TTN: variants seen among roughly 807,000 people sequenced by gnomAD.
TTN encodes titin.
TTN carries 1,525 observed loss-of-function variants against 3,223.0 expected under a neutral mutation model. The observed-to-expected ratio is 0.47, with a 90% CI of 0.45 to 0.49. TTN has a LOEUF of 0.49. Among genes scored for constraint, TTN ranks in the 20% least tolerant of loss-of-function variants. The pLI is 0.00. For synonymous variants in TTN, 14,094 were observed against 15,161.0 expected (o/e 0.93, Z 5.17); for missense variants, 40,786 against 43,424.0 (o/e 0.94, Z 5.40).
rs746547856 is a variant in TTN, at chr2:178,535,387, C to T, written c.101228G>A (p.Arg33743Gln). ...AERWLRVGQA[R>Q]ETRYTVINLF... Reference sequence around the variant, plus strand: ...GTTGATCACGGTATAACGTGTTTCTCGGGCCTGTCCTACACGGAGCCATCT... The same window carrying T: ...GTTGATCACGGTATAACGTGTTTCTTGGGCCTGTCCTACACGGAGCCATCT... Residue 33743 changes from arginine to glutamine, a missense_variant, in exon 358 of 363, where the codon CGA (arginine) becomes CAA (glutamine). Coordinates refer to ENST00000589042, the MANE Select transcript of TTN (RefSeq NM_001267550.2). 18 of 1,613,766 alleles carry T rather than the reference C, an allele frequency of 1.1e-5. No individual in the cohort carries two copies. Among genetic ancestry groups the T allele is most frequent in the East Asian group, 4.5e-5 (2 of 44,896 alleles).
intron 234 of TTN, 54 bp downstream of exon 234, chr2:178,632,864 A>G (rs1295579086): frequency 1.2e-6 from 2 of 1,611,756 alleles, no homozygotes; most frequent in Non-Finnish European, 1.7e-6. Flanking sequence ...GCAGGGGTGT[A>G]TCAGGAAGTC....
rs752787097 is a variant in TTN, at chr2:178,530,809, GT to G, written c.105805del (p.Thr35269GlnfsTer24). ...SHPKAVSPTE[T>X]KPTPTEKVQH... Reference sequence around the variant, plus strand: ...AACTTTCTCTGTTGGTGTTGGTTTTGTCTCTGTGGGTGATACGGCTTTCGGG... The same window carrying G: ...AACTTTCTCTGTTGGTGTTGGTTTTGCTCTGTGGGTGATACGGCTTTCGGG... On this transcript the variant is annotated frameshift_variant, in exon 358 of 363. Transcript: ENST00000589042. LOFTEE classifies it high-confidence loss of function. 8.1e-6 allele frequency: 13 copies of G among 1,613,726 alleles called. No homozygotes were observed. The highest frequency in any genetic ancestry group is 1.1e-5 in the Non-Finnish European group (13 of 1,179,868).
Position 178,551,917 on chromosome 2 carries a change from G to T in TTN, c.90983C>A (p.Pro30328Gln). Residue 30328 changes from proline to glutamine, a missense_variant, in exon 335 of 363, where the codon CCA becomes CAA. Coordinates refer to ENST00000589042, the MANE Select transcript of TTN (RefSeq NM_001267550.2). Reference protein sequence around the residue: ...AKHQFRIPGPPGKPVIYNVTS... With the variant: ...AKHQFRIPGPQGKPVIYNVTS... ...CACATTGTATATAACTGGCTTTCCT[G>T]GGGGACCAGGAATCCTGAACTGGTG... 6.2e-7 allele frequency: 1 copy of T among 1,613,696 alleles called. No individual in the cohort carries two copies.
At chr2:178,666,219 G>GA (rs751992398) in intron 163 of TTN, among the ~76,000 whole-genome samples, 35 of 151,940 alleles carry the variant, frequency 2.3e-4, no homozygotes, top group Non-Finnish European at 4.4e-4. Context: ...TCCAGACTGA[G>GA]AAAAAATATC....
intron 136 of TTN, 61 bp from the exon 137 acceptor site, chr2:178,681,511 G>T: frequency 6.6e-7 from 1 of 1,514,326 alleles, no homozygotes; most frequent in South Asian, 1.2e-5. Flanking sequence ...AGGCTAGCAA[G>T]AACAAAAAGT....
Position 178,553,743 on chromosome 2 carries a change from G to A in TTN, c.89262C>T (p.Gly29754=), listed in dbSNP as rs761148168. Residue 29754 remains glycine (G), a synonymous_variant, in exon 334 of 363, where the codon GGC becomes GGT. Coordinates refer to ENST00000589042, the MANE Select transcript of TTN (RefSeq NM_001267550.2). ...ADSTKSSITL[G]WSKPVYDGGS... ...CCCCATCATAGACAGGCTTACTCCA[G>A]CCAAGGGTGATGGATGACTTGGTTG... is the stretch of plus-strand genomic sequence containing the variant. 22 of 1,612,292 alleles carry A rather than the reference G, an allele frequency of 1.4e-5. No homozygotes were observed. Among genetic ancestry groups the A allele is most frequent in the Non-Finnish European group, 1.4e-5 (17 of 1,178,944 alleles).
chr2:178,546,918 C>CA lies in TTN; in HGVS notation c.94523-14dup, dbSNP rs1404208872. The CA allele has an allele frequency of 1.9e-6, 3 of 1,571,280 alleles. No homozygotes were observed. Among genetic ancestry groups the CA allele is most frequent in the African/African-American group, 2.7e-5 (2 of 73,692 alleles). ...CTGCCTGGTGCATCTGGAAGGGATG[C>CA]AAAAATAAGGTTAAAATATACCACT... On this transcript the variant is annotated splice_polypyrimidine_tract_variant and intron_variant, in intron 340 of 362. Coordinates refer to ENST00000589042, the MANE Select transcript of TTN (RefSeq NM_001267550.2).
Position 178,741,616 on chromosome 2 carries a change from C to G in TTN, c.11617G>C (p.Asp3873His), listed in dbSNP as rs1435923406. The G allele has an allele frequency of 6.2e-7, 1 of 1,613,714 alleles. No homozygotes were observed. The highest frequency in any genetic ancestry group is 8.5e-7 in the Non-Finnish European group (1 of 1,179,804). The change falls in exon 48 of 363, where the codon GAT becomes CAT. Residue 3873 changes from aspartate (D) to histidine (H), a missense_variant. By Grantham distance (81) the Asp-to-His change is moderately conservative (BLOSUM62 -1). Transcript: ENST00000589042. ...AACAGAATGATCAGGCTATGATCAT[C>G]ACCGTCAAAAACAAATTTGTAGTCA... ...SADYKFVFDGDDHSLIILFTK... is the reference protein window; with the variant it reads ...SADYKFVFDGHDHSLIILFTK...
In TTN at chr2:178,717,702, A is replaced by C; in HGVS notation, c.25172T>G (p.Val8391Gly). Reference protein sequence around the residue: ...CRINGSEPLQVSWYKDGVLLK... With the variant: ...CRINGSEPLQGSWYKDGVLLK... ...AAGAACCCCATCCTTGTACCAAGAC[A>C]CTTGAAGAGGTTCTGAGCCATTGAT... The change falls in exon 87 of 363, where the codon GTG becomes GGG. Residue 8391 changes from valine (V) to glycine (G), a missense_variant. Val to Gly is a moderately radical substitution (Grantham distance 109). Coordinates refer to ENST00000589042, the MANE Select transcript of TTN (RefSeq NM_001267550.2). The C allele has an allele frequency of 6.2e-7, 1 of 1,613,464 alleles. No homozygotes were observed. Among genetic ancestry groups the C allele is most frequent in the Non-Finnish European group, 8.5e-7 (1 of 1,179,606 alleles).
chr2:178,578,682 A>G lies in TTN; in HGVS notation c.68258T>C (p.Val22753Ala). ...VPDAPPPPNI[V>A]DVRHDSVSLT... ...AGATACTGAATCGTGTCTGACATCC[A>G]CAATATTGGGAGGTGGGGGAGCATC... Residue 22753 changes from valine to alanine, a missense_variant, in exon 321 of 363, where the codon GTG becomes GCG. By Grantham distance (64) the Val-to-Ala change is moderately conservative (BLOSUM62 0). Coordinates refer to ENST00000589042, the MANE Select transcript of TTN (RefSeq NM_001267550.2). 1 of 1,611,938 alleles carries G rather than the reference A, an allele frequency of 6.2e-7. No homozygotes were observed. The highest frequency in any genetic ancestry group is 8.5e-7 in the Non-Finnish European group (1 of 1,179,050).
rs759353216 is a variant in TTN at position 178,728,551 on chromosome 2, C to T, written c.19375G>A (p.Val6459Met). 5.6e-6 allele frequency: 9 copies of T among 1,612,852 alleles called. No homozygotes were observed. Among genetic ancestry groups the T allele is most frequent in the Non-Finnish European group, 7.6e-6 (9 of 1,179,422 alleles). Residue 6459 changes from valine to methionine, a missense_variant, in exon 66 of 363, where the codon GTG becomes ATG. Val to Met is a conservative substitution (Grantham distance 21, BLOSUM62 1). Coordinates refer to ENST00000589042, the MANE Select transcript of TTN (RefSeq NM_001267550.2). Reference protein sequence around the residue: ...KQDSGQYTFKVENDFGSSSCD... With the variant: ...KQDSGQYTFKMENDFGSSSCD... ...CTACTGCTTCCGAAGTCATTTTCCA[C>T]CTTGAAAGTGTACTGACCGCTGTCC... is the stretch of plus-strand genomic sequence containing the variant.
At position 178,533,144 on chromosome 2, in the gene TTN, C is replaced by G. The variant is rs556218739; in HGVS notation, c.103471G>C (p.Glu34491Gln). The G allele has an allele frequency of 6.2e-7, 1 of 1,613,984 alleles. No individual in the cohort carries two copies. The highest frequency in any genetic ancestry group is 8.5e-7 in the Non-Finnish European group (1 of 1,179,860). ...LRMAEILSGT[E>Q]SVPLTQVAKE... Reference sequence around the variant, plus strand: ...GCTACCTGTGTCAGTGGTACACTTTCAGTTCCAGAAAGAATTTCAGCCATT... The same window carrying G: ...GCTACCTGTGTCAGTGGTACACTTTGAGTTCCAGAAAGAATTTCAGCCATT... Residue 34491 changes from glutamate (E) to glutamine (Q), a missense_variant, in exon 358 of 363, where the codon GAA becomes CAA. Glu to Gln is a conservative substitution (Grantham distance 29). Coordinates refer to ENST00000589042, the MANE Select transcript of TTN (RefSeq NM_001267550.2).
chr2:178,550,344 G>A (rs1698871998), intron 336 of TTN, 71 bp from the exon 337 acceptor site: 1 of 1,299,948 alleles, frequency 7.7e-7, no homozygotes, highest in Non-Finnish European at 1.0e-6. Flanking sequence ...ATATTTTTCA[G>A]TAGTGCCATA....
Position 178,786,121 on chromosome 2 carries a change from A to G in TTN, c.2097T>C (p.Ala699=). Residue 699 remains alanine, a synonymous_variant, in exon 14 of 363, where the codon GCT becomes GCC. Coordinates refer to ENST00000589042, the MANE Select transcript of TTN (RefSeq NM_001267550.2). ...CAGCAACAACTGTTGCTACAGCTTC[A>G]GCCTTTTTTCCAACGTCCACCTGGA... is the stretch of plus-strand genomic sequence containing the variant. ...THGKVDVGKK[A]EAVATVVAAV... 3.7e-6 allele frequency: 6 copies of G among 1,613,906 alleles called. No homozygotes were observed. The highest frequency in any genetic ancestry group is 5.1e-6 in the Non-Finnish European group (6 of 1,179,976).
Position 178,717,259 on chromosome 2 carries a change from T to C in TTN, c.25475A>G (p.Asp8492Gly). The change falls in exon 88 of 363, where the codon GAT becomes GGT. Residue 8492 changes from aspartate to glycine, a missense_variant. Asp to Gly is a moderately conservative substitution (Grantham distance 94). Transcript: ENST00000589042. ...TAPIKITWAK[D>G]NREIRPGGNY... ...GCCTCCAGGGCGAATCTCTCGGTTA[T>C]CTTTGGCCCAAGTGATTTTGATTGG... The C allele has an allele frequency of 6.2e-7, 1 of 1,613,722 alleles. No homozygotes were observed. The highest frequency in any genetic ancestry group is 8.5e-7 in the Non-Finnish European group (1 of 1,179,696).
Position 178,684,740 on chromosome 2 carries a change from T to A in TTN, c.32564A>T (p.Glu10855Val), listed in dbSNP as rs1560365754. 1 of 1,613,576 alleles carries A rather than the reference T, an allele frequency of 6.2e-7. No individual in the cohort carries two copies. Residue 10855 changes from glutamate to valine, a missense_variant, in exon 131 of 363, where the codon GAG becomes GTG. Glu to Val is a moderately radical substitution (Grantham distance 121). Coordinates refer to ENST00000589042, the MANE Select transcript of TTN (RefSeq NM_001267550.2). ...TTTTTCTGGAACTGGTTTCTTTGGC[T>A]CTTCTGGCACTTAAAAGATACCAGG... ...EKVPPPKVPE[E>V]PKKPVPEKKV...
intron 223 of TTN, 58 bp downstream of exon 223, chr2:178,639,641 A>G: frequency 3.9e-6 from 6 of 1,532,030 alleles, no homozygotes; most frequent in Non-Finnish European, 5.4e-6. Flanking sequence ...ATCAAGTGTG[A>G]ATACTTTTAT....
chr2:178,573,910 T>C lies in TTN; in HGVS notation c.72222A>G (p.Ala24074=), dbSNP rs763627374. ...SKDGKELEGT[A]KLEIKIADFS... is the part of the protein sequence containing the mutation. ...AATCTGCAATTTTTATTTCTAACTTTGCTGTGCCTTCCAGCTCTTTTCCAT... is the reference window on the plus strand; with the variant it reads ...AATCTGCAATTTTTATTTCTAACTTCGCTGTGCCTTCCAGCTCTTTTCCAT... Residue 24074 remains alanine, a synonymous_variant, in exon 326 of 363, where the codon GCA becomes GCG. Transcript: ENST00000589042. 6 of 1,612,256 alleles carry C rather than the reference T, an allele frequency of 3.7e-6. No homozygotes were observed. The highest frequency in any genetic ancestry group is 5.1e-6 in the Non-Finnish European group (6 of 1,178,752).
rs370557145 is a variant in TTN, at chr2:178,729,639, T to C, written c.18589+25A>G. ...AACTTATCAGGCAGCACAGCCAAAA[T>C]GGAGAATAGATTCCATTCACGAACC... On this transcript the variant is annotated intron_variant, in intron 63 of 362. Transcript: ENST00000589042. The C allele has an allele frequency of 4.3e-6, 7 of 1,613,452 alleles. No homozygotes were observed. In the African/African-American group the frequency reaches 9.3e-5, roughly 22 times the overall value.
Sources: gnomAD v4.1 joint callset for allele counts (sites outside exome capture counted in the v4.1 genomes callset) on GRCh38, gnomAD v4.1.1 for gene constraint, MANE v1.5 for transcripts, NCBI Gene and HGNC (gene_info 2026-07-23, HGNC 2026-07-21) for gene names.